Variants in INPP5F observed in about 807,000 individuals in gnomAD.
INPP5F encodes the protein inositol polyphosphate-5-phosphatase F.
In INPP5F, 97 loss-of-function variants were observed where a neutral mutation model predicts 137.2. The observed-to-expected ratio is 0.71, with a 90% CI of 0.60 to 0.84. The LOEUF (loss-of-function observed/expected upper bound fraction) is 0.84. INPP5F is among the 40% of genes least tolerant of loss of function. INPP5F has a pLI of 0.00. For missense variants in INPP5F, 1,271 were observed against 1,371.9 expected, an observed-to-expected ratio of 0.93 and a Z score of 1.16; for synonymous variants, 504 against 476.9, an observed-to-expected ratio of 1.06 and a Z score of -0.74.
At chr10:119,767,507 C>A (rs1185664030) in intron 2 of INPP5F, among the ~76,000 whole-genome samples, 3 of 151,906 alleles carry the variant, frequency 2.0e-5, no homozygotes, top group African/African-American at 7.3e-5. Flanking sequence ...CAAAAGAAGG[C>A]AAGAAAAGGT....
At position 119,738,056 on chromosome 10, in the gene INPP5F, G is replaced by T. The variant is rs535877300; in HGVS notation, c.97+11697G>T. Among the ~76,000 whole-genome samples, 292 of 152,290 alleles carry T rather than the reference G, an allele frequency of 1.9e-3. 1 individual carries two copies. Among genetic ancestry groups the T allele is most frequent in the African/African-American group, 6.7e-3 (280 of 41,568 alleles). ...GCAGGCACACAGTACTTAATCACTT[G>T]TTTTCTGTGTACCAGGAAGAGGAGG... On this transcript the variant is annotated intron_variant, in intron 1 of 19. Transcript: ENST00000650623.
At chr10:119,747,498 C>T (rs978997814) in intron 1 of INPP5F, among the ~76,000 whole-genome samples, 3 of 152,168 alleles carry the variant, frequency 2.0e-5, no homozygotes, top group Non-Finnish European at 4.4e-5. Flanking sequence ...GGGTTACAGG[C>T]ATGAGCCACT....
rs1386699475 is a variant in INPP5F at position 119,748,418 on chromosome 10, G to T, written c.98-2658G>T. On this transcript the variant is annotated intron_variant, in intron 1 of 19. Coordinates refer to ENST00000650623, the MANE Select transcript of INPP5F (RefSeq NM_014937.4). The surrounding 1 kb of genome is among the most constrained non-coding windows in gnomAD (Gnocchi z 4.7). Reference sequence around the variant, plus strand: ...TTGCCCACAACCTGGTGAGCAGGGGGCGTGTTTTGGTCCTGTTTGTGTTAC... The same window carrying T: ...TTGCCCACAACCTGGTGAGCAGGGGTCGTGTTTTGGTCCTGTTTGTGTTAC... Among the ~76,000 whole-genome samples, 2 of 152,210 alleles carry T rather than the reference G, an allele frequency of 1.3e-5. No homozygotes were observed.
intron 2 of INPP5F, among the ~76,000 whole-genome samples, chr10:119,758,383 G>T (rs1160204472): frequency 1.3e-5 from 2 of 152,168 alleles, no homozygotes; most frequent in Admixed American, 1.3e-4. Flanking sequence ...CCCGGTTCTT[G>T]GCAGAGTACG....
chr10:119,782,208 G>A (rs1804327166), intron 3 of INPP5F, among the ~76,000 whole-genome samples: 1 of 152,186 alleles, frequency 6.6e-6, no homozygotes, highest in Admixed American at 6.5e-5. Flanking sequence ...AATTTACAAA[G>A]AAAGTTTTTT....
chr10:119,772,905 A>T, intron 2 of INPP5F, among the ~76,000 whole-genome samples: 1 of 152,108 alleles, frequency 6.6e-6, no homozygotes, highest in South Asian at 2.1e-4. Context: ...ACGCACCACC[A>T]TGCCCAGCTA....
intron 12 of INPP5F, 37 bp downstream of exon 12, chr10:119,806,517 C>A (rs776649073): frequency 6.5e-7 from 1 of 1,535,312 alleles, no homozygotes; most frequent in East Asian, 2.3e-5. Context: ...ATATTCATTT[C>A]GAAATGCTTT....
At chr10:119,783,282 G>A (rs921105093) in intron 3 of INPP5F, among the ~76,000 whole-genome samples, 1 of 152,194 alleles carries the variant, frequency 6.6e-6, no homozygotes, top group African/African-American at 2.4e-5. Flanking sequence ...CTGACACACT[G>A]AAAGATCAGG....
chr10:119,764,346 C>T (rs1039137659), intron 2 of INPP5F, among the ~76,000 whole-genome samples: 1 of 150,778 alleles, frequency 6.6e-6, no homozygotes, highest in Admixed American at 6.6e-5. Flanking sequence ...GGCGTGTGCA[C>T]ACACACACAC....
In INPP5F at chr10:119,791,938, G is replaced by T. The variant is rs1850160064; in HGVS notation, c.514G>T (p.Asp172Tyr). The change falls in exon 5 of 20, where the codon GAC becomes TAC. Residue 172 changes from aspartate (D) to tyrosine (Y), a missense_variant. Physicochemically the swap from Asp to Tyr is radical, Grantham distance 160. Transcript: ENST00000650623. ...TGAAGAGTTGCTGAAGATGTTCATG[G>T]ACTCAGAATCCTTTTATTATAGCTT... ...LLEELLKMFM[D>Y]SESFYYSLTY... The T allele has an allele frequency of 1.2e-6, 2 of 1,613,930 alleles. No individual in the cohort carries two copies. Among genetic ancestry groups the T allele is most frequent in the Non-Finnish European group, 1.7e-6 (2 of 1,179,846 alleles).
intron 3 of INPP5F, among the ~76,000 whole-genome samples, chr10:119,788,789 C>A (rs1850016931): frequency 6.6e-6 from 1 of 152,172 alleles, no homozygotes; most frequent in South Asian, 2.1e-4. Context: ...AGAAACTAAC[C>A]TTGAAGAGAA....
chr10:119,815,409 A>T (rs1481412935), intron 15 of INPP5F: 1 of 152,906 alleles, frequency 6.5e-6, no homozygotes, highest in Admixed American at 6.5e-5. Flanking sequence ...TTGGTATCCA[A>T]AATAGACCCG....
chr10:119,728,666 C>T (rs1317512013), intron 1 of INPP5F, among the ~76,000 whole-genome samples: 1 of 152,144 alleles, frequency 6.6e-6, no homozygotes, highest in Non-Finnish European at 1.5e-5. Flanking sequence ...TTTCCTTTTT[C>T]TAGAGACATC....
chr10:119,743,836 T>C (rs1474753723), intron 1 of INPP5F, among the ~76,000 whole-genome samples: 1 of 152,178 alleles, frequency 6.6e-6, no homozygotes, highest in Non-Finnish European at 1.5e-5. Context: ...AACTAGACTT[T>C]AGGGCAAAAA....
At chr10:119,792,306 T>A in intron 6 of INPP5F, 93 bp downstream of exon 6, 3 of 855,030 alleles carry the variant, frequency 3.5e-6, no homozygotes, top group East Asian at 2.6e-5. Context: ...AAATGTTTTT[T>A]AATTATATTA....
At chr10:119,757,442 T>C (rs1848882005) in intron 2 of INPP5F, among the ~76,000 whole-genome samples, 1 of 151,920 alleles carries the variant, frequency 6.6e-6, no homozygotes. Context: ...AAAGTATAGA[T>C]CTGTGAAAAA....
chr10:119,811,401 G>C (rs915087790), intron 14 of INPP5F, among the ~76,000 whole-genome samples: 1 of 152,170 alleles, frequency 6.6e-6, no homozygotes, highest in Non-Finnish European at 1.5e-5. Flanking sequence ...TAGCTTGTCT[G>C]TTCAGATCTT....
chr10:119,739,894 C>CAGGT (rs1269672963), intron 1 of INPP5F, among the ~76,000 whole-genome samples: 1 of 152,156 alleles, frequency 6.6e-6, no homozygotes, highest in African/African-American at 2.4e-5. Flanking sequence ...TGTTGGTTTA[C>CAGGT]AGGTGTAAGC....
In INPP5F at chr10:119,823,890, A is replaced by G; in HGVS notation, c.2237A>G (p.Lys746Arg). 6.2e-7 allele frequency: 1 copy of G among 1,612,752 alleles called. No individual in the cohort carries two copies. Among genetic ancestry groups the G allele is most frequent in the Admixed American group, 1.7e-5 (1 of 60,004 alleles). Reference sequence around the variant, plus strand: ...GGATCGGATTTACCCATAATTGAGAAGAAACTTGAGAGGTGAGTATACTGC... The same window carrying G: ...GGATCGGATTTACCCATAATTGAGAGGAAACTTGAGAGGTGAGTATACTGC... ...AMGSDLPIIEKKLERKSSKPH... is the reference protein window; with the variant it reads ...AMGSDLPIIERKLERKSSKPH... Residue 746 changes from lysine (K) to arginine (R), a missense_variant, in exon 19 of 20, where the codon AAG becomes AGG. Coordinates refer to ENST00000650623, the MANE Select transcript of INPP5F (RefSeq NM_014937.4).
Sources: gnomAD v4.1 joint callset for allele counts (sites outside exome capture counted in the v4.1 genomes callset) on GRCh38, gnomAD v4.1.1 for gene constraint, Gnocchi (gnomAD v3.1) non-coding constraint, MANE v1.5 for transcripts, NCBI Gene and HGNC (gene_info 2026-07-23, HGNC 2026-07-21) for gene names.